The following CSMD1 variants were observed in gnomAD, a reference collection of about 807,000 sequenced individuals.
The protein encoded by CSMD1 is CUB and sushi domain-containing protein 1.
Under a neutral mutation model 417.5 loss-of-function variants are expected in CSMD1, and 213 were observed. The ratio of observed to expected loss-of-function variants is 0.51; its 90% CI spans 0.46 to 0.57. The LOEUF (loss-of-function observed/expected upper bound fraction) is 0.57, where lower values mean the gene tolerates loss of function less well. Ranked by LOEUF, CSMD1 falls within the 20% of genes least tolerant of loss-of-function variation. CSMD1 has a pLI of 0.00. For missense variants in CSMD1, 6,923 were observed against 4,529.7 expected (o/e 1.53, Z -15.17); for synonymous variants, 2,862 against 1,736.8 (o/e 1.65, Z -16.11).
rs547635756 is a variant in CSMD1, at chr8:3,265,657, T to A, written c.4153+18487A>T. 9.9e-5 allele frequency among the ~76,000 whole-genome samples: 15 copies of A among 152,258 alleles called. No homozygotes were observed. The East Asian group carries it at 2.9e-3, about 29-fold the overall frequency. The stretch of plus-strand genomic sequence containing the variant: ...TGGAGAAGCCCAGTGCTGGCCAACA[T>A]GAGGTCGTGCTAGGATTTTATTCTA... On this transcript the variant is annotated intron_variant, in intron 26 of 69. Transcript: ENST00000635120.
At chr8:4,456,742 T>G (rs1799511365) in intron 2 of CSMD1, among the ~76,000 whole-genome samples, 1 of 152,132 alleles carries the variant, frequency 6.6e-6, no homozygotes, top group Non-Finnish European at 1.5e-5. Flanking sequence ...CCTTACTGTC[T>G]AGTTGCTAGA....
chr8:3,232,789 G>T (rs1038607666), intron 26 of CSMD1, among the ~76,000 whole-genome samples: 1 of 151,784 alleles, frequency 6.6e-6, no homozygotes. Context: ...CTTTTTGCTT[G>T]CTTTCATACT....
intron 1 of CSMD1, among the ~76,000 whole-genome samples, chr8:4,772,571 T>C (rs1234839872): frequency 2.6e-5 from 4 of 152,210 alleles, no homozygotes; most frequent in African/African-American, 4.8e-5. Flanking sequence ...TTAAAGTGTA[T>C]TGAAAAATAT....
At chr8:3,888,610 A>T (rs1483152510) in intron 5 of CSMD1, among the ~76,000 whole-genome samples, 1 of 152,120 alleles carries the variant, frequency 6.6e-6, no homozygotes, top group Non-Finnish European at 1.5e-5. Context: ...ATCTAACAAG[A>T]TCTTTGTCAT....
At chr8:3,048,797 A>C (rs763795017) in intron 50 of CSMD1, among the ~76,000 whole-genome samples, 2 of 151,882 alleles carry the variant, frequency 1.3e-5, no homozygotes, top group Non-Finnish European at 1.5e-5. Context: ...TGAAAAGACC[A>C]GCCACAGACT....
chr8:3,419,098 A>G (rs1332331568), intron 12 of CSMD1, among the ~76,000 whole-genome samples: 1 of 152,172 alleles, frequency 6.6e-6, no homozygotes, highest in Non-Finnish European at 1.5e-5. Flanking sequence ...CCAGCTAGGA[A>G]CCTCATGGAG....
chr8:3,353,431 C>T (rs1808544561), intron 21 of CSMD1, among the ~76,000 whole-genome samples: 1 of 152,144 alleles, frequency 6.6e-6, no homozygotes. Context: ...CAAAATGTTT[C>T]CTTTTCCTTA....
intron 8 of CSMD1, among the ~76,000 whole-genome samples, chr8:3,589,730 TTGTC>T (rs941073539): frequency 3.9e-5 from 6 of 152,144 alleles, no homozygotes; most frequent in African/African-American, 9.7e-5. Flanking sequence ...TACTTGAAAA[TTGTC>T]TGGAGAGATT....
At chr8:4,685,926 T>C (rs993193548) in intron 1 of CSMD1, among the ~76,000 whole-genome samples, 1 of 152,244 alleles carries the variant, frequency 6.6e-6, no homozygotes, top group African/African-American at 2.4e-5. Context: ...AGAAACTTAC[T>C]GGATCATCTT....
In CSMD1 at chr8:4,298,500, CT is replaced by C. The variant is rs1797805377; in HGVS notation, c.415+121452del. Among the ~76,000 whole-genome samples the C allele has an allele frequency of 3.3e-5, 5 of 151,910 alleles. No individual in the cohort carries two copies. The South Asian group carries it at 1.0e-3, about 32-fold the overall frequency. ...TGTATATTATTTGAGTAATGGATAC[CT>C]TAAAAGCCCTGACTTGACCTATATA... On this transcript the variant is annotated intron_variant, in intron 3 of 69. Coordinates refer to ENST00000635120, the MANE Select transcript of CSMD1 (RefSeq NM_033225.6).
At position 3,018,534 on chromosome 8, in the gene CSMD1, G is replaced by T. The variant is rs965194578; in HGVS notation, c.7972C>A (p.His2658Asn). ...CCATTTGCCAAGCACTCTCTGACAT[G>T]AGACCCCACAAGCGTGTAGCCGGTG... is the stretch of plus-strand genomic sequence containing the variant. ...CNTGYTLVGS[H>N]VRECLANGLW... Residue 2658 changes from histidine to asparagine, a missense_variant, in exon 52 of 70, where the codon CAT (histidine) becomes AAT (asparagine). Coordinates refer to ENST00000635120, the MANE Select transcript of CSMD1 (RefSeq NM_033225.6). 1 of 1,613,680 alleles carries T rather than the reference G, an allele frequency of 6.2e-7. No individual in the cohort carries two copies. Among genetic ancestry groups the T allele is most frequent in the African/African-American group, 1.3e-5 (1 of 74,866 alleles).
intron 2 of CSMD1, among the ~76,000 whole-genome samples, chr8:4,558,357 T>C (rs1174317399): frequency 1.3e-5 from 2 of 152,232 alleles, no homozygotes; most frequent in Non-Finnish European, 2.9e-5. Flanking sequence ...CGTAGTATTA[T>C]ATTATGAAGC....
intron 3 of CSMD1, among the ~76,000 whole-genome samples, chr8:4,220,348 C>G (rs959864018): frequency 6.6e-5 from 10 of 152,130 alleles, no homozygotes; most frequent in African/African-American, 1.7e-4. Flanking sequence ...TGTACAACAG[C>G]AGGAAAGAGG....
At chr8:3,464,406 T>G (rs1816685785) in intron 12 of CSMD1, among the ~76,000 whole-genome samples, 1 of 152,084 alleles carries the variant, frequency 6.6e-6, no homozygotes, top group Admixed American at 6.5e-5. Flanking sequence ...CAATTGAGCA[T>G]AGGGATTTTT....
intron 3 of CSMD1, among the ~76,000 whole-genome samples, chr8:4,077,242 C>G (rs1245047545): frequency 7.0e-6 from 1 of 143,806 alleles, no homozygotes; most frequent in Admixed American, 6.9e-5. Flanking sequence ...CTCCATTTCT[C>G]TACTGACACC....
intron 3 of CSMD1, among the ~76,000 whole-genome samples, chr8:4,339,476 T>C (rs1800355669): frequency 6.6e-6 from 1 of 152,102 alleles, no homozygotes; most frequent in Non-Finnish European, 1.5e-5. Context: ...CGAAATGAGA[T>C]ACTGGAGCTG....
At chr8:3,587,503 G>C (rs1016486528) in intron 8 of CSMD1, among the ~76,000 whole-genome samples, 2 of 129,838 alleles carry the variant, frequency 1.5e-5, no homozygotes, top group Admixed American at 7.4e-5. Context: ...GACAAGATAG[G>C]GGAAACATAA....
Position 4,925,215 on chromosome 8 carries a change from G to GGTTTT in CSMD1, c.85+69116_85+69117insAAAAC, listed in dbSNP as rs762807942. On this transcript the variant is annotated intron_variant, in intron 1 of 69. Coordinates refer to ENST00000635120, the MANE Select transcript of CSMD1 (RefSeq NM_033225.6). ...AAACATGGTGAATACCAGTTTTATG[G>GGTTTT]TTTTTTTTTTTTTTTTTTTTTTTTT... is the stretch of plus-strand genomic sequence containing the variant. 8.2e-5 allele frequency among the ~76,000 whole-genome samples: 6 copies of GGTTTT among 72,740 alleles called. No homozygotes were observed. The East Asian group carries it at 2.0e-3, about 24-fold the overall frequency. 47.7% of individuals were successfully genotyped at this position (72,740 alleles called of 152,430 possible).
At chr8:4,278,939 C>G (rs941748384) in intron 3 of CSMD1, among the ~76,000 whole-genome samples, 2 of 152,108 alleles carry the variant, frequency 1.3e-5, no homozygotes, top group African/African-American at 2.4e-5. Context: ...AAATACTTGC[C>G]CTTCCCTGTA....
Sources: gnomAD v4.1 joint callset for allele counts (sites outside exome capture counted in the v4.1 genomes callset) on GRCh38, gnomAD v4.1.1 for gene constraint, MANE v1.5 for transcripts, NCBI Gene and HGNC (gene_info 2026-07-23, HGNC 2026-07-21) for gene names.